The following PGLYRP1 variants were observed in gnomAD, a reference collection of about 807,000 sequenced individuals.
PGLYRP1 encodes the protein peptidoglycan recognition protein 1.
In PGLYRP1, 18 loss-of-function variants were observed where a neutral mutation model predicts 16.3. That is an observed-to-expected ratio of 1.11 (90% confidence interval 0.77 to 1.64). PGLYRP1 has a LOEUF of 1.64. Ranked by LOEUF, PGLYRP1 falls within the 40% of genes most tolerant of loss-of-function variation. The probability of loss-of-function intolerance (pLI) is 0.00; values close to 1 mark genes in which losing one functional copy is unlikely to be tolerated. For missense variants in PGLYRP1, 261 were observed against 268.6 expected (o/e 0.97, Z 0.20); for synonymous variants, 89 against 105.7 (o/e 0.84, Z 0.97).
intron 1 of PGLYRP1, 126 bp downstream of exon 1, chr19:46,022,609 T>G (rs2072561): frequency 0.061 from 64,651 of 1,055,518 alleles, 3,113 homozygotes; most frequent in East Asian, 0.22. Context: ...TGAGGTTCAG[T>G]AAGCTGCTCA....
chr19:46,022,631 A>AGGGTGTCAG, intron 1 of PGLYRP1, 104 bp downstream of exon 1: 2 of 1,288,084 alleles, frequency 1.6e-6, no homozygotes, highest in Non-Finnish European at 2.2e-6. Flanking sequence ...GGTGTCAGCC[A>AGGGTGTCAG]GGTGGCCTCA....
chr19:46,022,869 G>A lies in PGLYRP1; in HGVS notation c.153C>T (p.Ser51=). ...ALASECAQHL[S]LPLRYVVVSH... The stretch of plus-strand genomic sequence containing the variant: ...ATACCACCACATAGCGTAAGGGCAG[G>A]CTCAGGTGCTGGGCGCACTCTGATG... The change falls in exon 1 of 3, where the codon AGC becomes AGT. Residue 51 remains serine, a synonymous_variant. Coordinates refer to ENST00000008938, the MANE Select transcript of PGLYRP1 (RefSeq NM_005091.3). The A allele has an allele frequency of 6.2e-7, 1 of 1,613,322 alleles. No individual in the cohort carries two copies. Among genetic ancestry groups the A allele is most frequent in the Non-Finnish European group, 8.5e-7 (1 of 1,179,660 alleles).
chr19:46,022,015 C>T (rs1222405775), intron 1 of PGLYRP1, among the ~76,000 whole-genome samples: 1 of 152,062 alleles, frequency 6.6e-6, no homozygotes, highest in African/African-American at 2.4e-5. Flanking sequence ...CCTGAGGTCA[C>T]CCTCCCTCAC....
chr19:46,019,700 G>A lies in PGLYRP1; in HGVS notation c.288-53C>T. On this transcript the variant is annotated intron_variant, in intron 1 of 2. Coordinates refer to ENST00000008938, the MANE Select transcript of PGLYRP1 (RefSeq NM_005091.3). The surrounding 1 kb of genome is among the most constrained non-coding windows in gnomAD (Gnocchi z 4.8). ...GAGTGAGGGAGGGTTTCCCGAGGAGGACTCCTCCTCCTTCCTCCACTCACC... is the reference window on the plus strand; with the variant it reads ...GAGTGAGGGAGGGTTTCCCGAGGAGAACTCCTCCTCCTTCCTCCACTCACC... 6.3e-7 allele frequency: 1 copy of A among 1,576,656 alleles called. No homozygotes were observed.
chr19:46,022,909 T>G lies in PGLYRP1; in HGVS notation c.113A>C (p.Glu38Ala), dbSNP rs1199436203. ...ACCSPIVPRN[E>A]WKALASECAQ... ...GCACTCTGATGCCAGGGCCTTCCAC[T>G]CGTTCCGGGGCACTATGGGGCTGCA... is the stretch of plus-strand genomic sequence containing the variant. Residue 38 changes from glutamate to alanine, a missense_variant, in exon 1 of 3, where the codon GAG (glutamate) becomes GCG (alanine). Physicochemically the swap from Glu to Ala is moderately radical, Grantham distance 107. Transcript: ENST00000008938. The G allele has an allele frequency of 6.2e-7, 1 of 1,612,602 alleles. No homozygotes were observed. The highest frequency in any genetic ancestry group is 8.5e-7 in the Non-Finnish European group (1 of 1,179,422).
intron 1 of PGLYRP1, among the ~76,000 whole-genome samples, chr19:46,021,948 C>T (rs1198306061): frequency 6.6e-6 from 1 of 152,202 alleles, no homozygotes; most frequent in Non-Finnish European, 1.5e-5. Context: ...CAGCCACTCT[C>T]AGGGAGGCTT....
At position 46,019,376 on chromosome 19, in the gene PGLYRP1, T is replaced by C; in HGVS notation, c.453A>G (p.Leu151=). The change falls in exon 3 of 3, where the codon CTA becomes CTG. Residue 151 remains leucine, a synonymous_variant. Transcript: ENST00000008938. The surrounding 1 kb of genome is among the most constrained non-coding windows in gnomAD (Gnocchi z 4.8). ...CTCCCTGAGCCACACCGCAGGCCAG[T>C]AGACCCTGGGCTGCCCGGATGGCCT... ...TPQAIRAAQG[L]LACGVAQGAL... is the part of the protein sequence containing the mutation. The C allele has an allele frequency of 6.2e-7, 1 of 1,613,734 alleles. No homozygotes were observed. Among genetic ancestry groups the C allele is most frequent in the Non-Finnish European group, 8.5e-7 (1 of 1,179,938 alleles).
intron 1 of PGLYRP1, among the ~76,000 whole-genome samples, chr19:46,021,995 C>G (rs1048167741): frequency 6.6e-6 from 1 of 152,188 alleles, no homozygotes; most frequent in African/African-American, 2.4e-5. Flanking sequence ...CTGTGTGGGT[C>G]TGGTCCCAGC....
In PGLYRP1 at chr19:46,019,479, AG is replaced by A; in HGVS notation, c.409+46del. 6.2e-7 allele frequency: 1 copy of A among 1,612,722 alleles called. No homozygotes were observed. Among genetic ancestry groups the A allele is most frequent in the Non-Finnish European group, 8.5e-7 (1 of 1,179,114 alleles). On this transcript the variant is annotated intron_variant, in intron 2 of 2. Coordinates refer to ENST00000008938, the MANE Select transcript of PGLYRP1 (RefSeq NM_005091.3). The surrounding 1 kb of genome is among the most constrained non-coding windows in gnomAD (Gnocchi z 4.8). ...TTCCCCGAAGGGGAAGTGATAGCGT[AG>A]GGCCCCGTGTCAGCCCCCATCCCAA...
At chr19:46,021,900 T>A (rs1291890205) in intron 1 of PGLYRP1, among the ~76,000 whole-genome samples, 1 of 151,916 alleles carries the variant, frequency 6.6e-6, no homozygotes, top group East Asian at 1.9e-4. Context: ...CCCTGCCACC[T>A]GCAGGCCTCT....
At chr19:46,022,146 C>A (rs1969051109) in intron 1 of PGLYRP1, among the ~76,000 whole-genome samples, 2 of 152,272 alleles carry the variant, frequency 1.3e-5, no homozygotes. Context: ...CATGCCACAT[C>A]TGGCACACTG....
chr19:46,020,162 G>A (rs1379590913), intron 1 of PGLYRP1, among the ~76,000 whole-genome samples: 2 of 149,652 alleles, frequency 1.3e-5, no homozygotes, highest in East Asian at 3.9e-4. Flanking sequence ...AGGCTGGAGT[G>A]CAGTGGCGTG....
rs202012366 is a variant in PGLYRP1, at chr19:46,019,227, T to C, written c.*11A>G. On this transcript the variant is annotated 3_prime_UTR_variant, in exon 3 of 3. Coordinates refer to ENST00000008938, the MANE Select transcript of PGLYRP1 (RefSeq NM_005091.3). This position sits in a 1 kb window ranked among gnomAD's most constrained non-coding sequence, Gnocchi z 4.8. ...TGGGAGGGGAGGAATGGGGTGCGGA[T>C]CAGCAGGGCCTCAGGGGGAGCGGTA... 20 of 1,612,764 alleles carry C rather than the reference T, an allele frequency of 1.2e-5. No homozygotes were observed. The East Asian group carries it at 4.5e-4, about 36-fold the overall frequency.
Position 46,023,015 on chromosome 19 carries a change from G to C in PGLYRP1, c.7C>G (p.Arg3Gly), listed in dbSNP as rs771245601. 6.5e-7 allele frequency: 1 copy of C among 1,540,818 alleles called. No homozygotes were observed. Among genetic ancestry groups the C allele is most frequent in the Admixed American group, 2.0e-5 (1 of 49,604 alleles). Residue 3 changes from arginine (R) to glycine (G), a missense_variant, in exon 1 of 3, where the codon CGC becomes GGC. By Grantham distance (125) the Arg-to-Gly change is moderately radical. Transcript: ENST00000008938. ...GCCCAGGCAAGCAGCATAGAGCGGC[G>C]GGACATAGTGGCAGGGCGGCAGGGT... MS[R>G]RSMLLAWALP...
rs1345381338 is a variant in PGLYRP1, at chr19:46,022,768, A to G, written c.254T>C (p.Met85Thr). The G allele has an allele frequency of 2.5e-6, 4 of 1,614,042 alleles. No homozygotes were observed. Among genetic ancestry groups the G allele is most frequent in the Non-Finnish European group, 2.5e-6 (3 of 1,180,028 alleles). Residue 85 changes from methionine to threonine, a missense_variant, in exon 1 of 3, where the codon ATG becomes ACG. Transcript: ENST00000008938. Reference sequence around the variant, plus strand: ...CACGTCGCACCAGCCCAGTGTCTTCATGTGGTAGTGCTGCACATTCCGGGC... The same window carrying G: ...CACGTCGCACCAGCCCAGTGTCTTCGTGTGGTAGTGCTGCACATTCCGGGC... ...QQARNVQHYH[M>T]KTLGWCDVGY...
In PGLYRP1 at chr19:46,019,209, G is replaced by A; in HGVS notation, c.*29C>T. On this transcript the variant is annotated 3_prime_UTR_variant, in exon 3 of 3. Coordinates refer to ENST00000008938, the MANE Select transcript of PGLYRP1 (RefSeq NM_005091.3). The surrounding 1 kb of genome is among the most constrained non-coding windows in gnomAD (Gnocchi z 4.8). ...CAGTGGGGTTTTTGGCCATGGGAGG[G>A]GAGGAATGGGGTGCGGATCAGCAGG... 6.2e-7 allele frequency: 1 copy of A among 1,605,244 alleles called. No individual in the cohort carries two copies. The highest frequency in any genetic ancestry group is 1.1e-5 in the South Asian group (1 of 90,794).
rs1273587508 is a variant in PGLYRP1 at position 46,019,414 on chromosome 19, C to A, written c.415G>T (p.Val139Leu). The change falls in exon 3 of 3, where the codon GTG (valine) becomes TTG (leucine). Residue 139 changes from valine to leucine, a missense_variant. Physicochemically the swap from Val to Leu is conservative, Grantham distance 32. Coordinates refer to ENST00000008938, the MANE Select transcript of PGLYRP1 (RefSeq NM_005091.3). The surrounding 1 kb of genome is among the most constrained non-coding windows in gnomAD (Gnocchi z 4.8). ...GCCCGGATGGCCTGGGGTGTGGGCACCCGATCTGGAGGAGGCAGAGGTAGG... is the reference window on the plus strand; with the variant it reads ...GCCCGGATGGCCTGGGGTGTGGGCAACCGATCTGGAGGAGGCAGAGGTAGG... The part of the protein sequence containing the change: ...ISFMGNYMDR[V>L]PTPQAIRAAQ... 1.2e-6 allele frequency: 2 copies of A among 1,613,156 alleles called. No individual in the cohort carries two copies. Among genetic ancestry groups the A allele is most frequent in the African/African-American group, 2.7e-5 (2 of 74,846 alleles).
chr19:46,019,648 C>T lies in PGLYRP1; in HGVS notation c.288-1G>A. On this transcript the variant is annotated splice_acceptor_variant, in intron 1 of 2. Transcript: ENST00000008938. LOFTEE classifies it high-confidence loss of function. The surrounding 1 kb of genome is among the most constrained non-coding windows in gnomAD (Gnocchi z 4.8). ...GAGCCCGTCTTCTCCAATCAGGAAG[C>T]TGCATGGGGAGGTGGGGGGGCTTGA... is the stretch of plus-strand genomic sequence containing the variant. 2.5e-6 allele frequency: 4 copies of T among 1,612,658 alleles called. No homozygotes were observed. The highest frequency in any genetic ancestry group is 3.4e-6 in the Non-Finnish European group (4 of 1,179,740).
intron 1 of PGLYRP1, 42 bp downstream of exon 1, chr19:46,022,693 C>CTGG (rs1969057925): frequency 1.9e-6 from 3 of 1,609,780 alleles, no homozygotes; most frequent in Non-Finnish European, 2.5e-6. Context: ...ACCTTTGCCT[C>CTGG]TGGGATCCCC....
Sources: allele counts gnomAD v4.1 joint callset (sites outside exome capture counted in the v4.1 genomes callset), GRCh38; gene constraint gnomAD v4.1.1; non-coding constraint Gnocchi (gnomAD v3.1); transcripts MANE v1.5; gene names NCBI Gene and HGNC (gene_info 2026-07-23, HGNC 2026-07-21).